Variants in SCUBE1 observed in about 807,000 individuals in gnomAD.
SCUBE1 encodes signal peptide, CUB and EGF-like domain-containing protein 1.
A neutral mutation model predicts 124.4 loss-of-function variants in SCUBE1; 59 were observed. The ratio of observed to expected loss-of-function variants is 0.47; its 90% CI spans 0.38 to 0.59. The LOEUF (loss-of-function observed/expected upper bound fraction) is 0.59, where lower values mean the gene tolerates loss of function less well. Ranked by LOEUF, SCUBE1 falls within the 20% of genes least tolerant of loss-of-function variation. The probability of loss-of-function intolerance (pLI) is 0.00; values close to 1 mark genes in which losing one functional copy is unlikely to be tolerated. For missense variants in SCUBE1, 1,150 were observed against 1,371.2 expected (o/e 0.84, Z 2.55); for synonymous variants, 545 against 550.9 (o/e 0.99, Z 0.15).
chr22:43,311,087 T>C (rs1926153647), intron 3 of SCUBE1, among the ~76,000 whole-genome samples: 1 of 152,210 alleles, frequency 6.6e-6, no homozygotes. Context: ...CCTTGATACA[T>C]ATTGAGGTGG....
chr22:43,271,388 G>A (rs1016279703), intron 4 of SCUBE1, among the ~76,000 whole-genome samples: 15 of 152,182 alleles, frequency 9.9e-5, no homozygotes, highest in Admixed American at 2.6e-4. Flanking sequence ...CACAGAAACC[G>A]TCTGATAAAC....
intron 2 of SCUBE1, among the ~76,000 whole-genome samples, chr22:43,326,314 G>A (rs1441258733): frequency 1.3e-5 from 2 of 152,140 alleles, no homozygotes; most frequent in Admixed American, 6.5e-5. Context: ...AAGAAAAACC[G>A]TGCCCTCCTT....
chr22:43,228,550 C>A (rs555303033), intron 9 of SCUBE1, among the ~76,000 whole-genome samples: 1 of 152,222 alleles, frequency 6.6e-6, no homozygotes, highest in East Asian at 1.9e-4. Flanking sequence ...ATGGCGCCCC[C>A]TATCCGCATC....
At chr22:43,309,376 C>T (rs775834983) in intron 3 of SCUBE1, among the ~76,000 whole-genome samples, 1 of 152,142 alleles carries the variant, frequency 6.6e-6, no homozygotes, top group Non-Finnish European at 1.5e-5. Flanking sequence ...CTCAAGGTCA[C>T]ATAGTAAGTG....
intron 15 of SCUBE1, among the ~76,000 whole-genome samples, chr22:43,217,354 TC>T (rs1921875856): frequency 7.2e-6 from 1 of 138,490 alleles, no homozygotes; most frequent in South Asian, 2.3e-4. Flanking sequence ...CAAGTTTCCC[TC>T]CCCCCAGCCC....
chr22:43,314,793 G>A (rs1434385772), intron 3 of SCUBE1, among the ~76,000 whole-genome samples: 1 of 152,282 alleles, frequency 6.6e-6, no homozygotes, highest in Admixed American at 6.5e-5. Flanking sequence ...ACTTTCTGGC[G>A]CAAAATCCAA....
chr22:43,217,398 C>T (rs1003227377), intron 15 of SCUBE1, among the ~76,000 whole-genome samples: 1 of 151,202 alleles, frequency 6.6e-6, no homozygotes, highest in African/African-American at 2.4e-5. Flanking sequence ...ATTTGGCCGG[C>T]GTCAGGAAGC....
Position 43,212,563 on chromosome 22 carries a change from C to A in SCUBE1, c.2083G>T (p.Asp695Tyr). ...CAGGCCTGGCAGGGCTTGAAGCCAT[C>A]GGCCGAGAAGAAGCCTGGAGAACAC... ...GQCSPGFFSA[D>Y]GFKPCQACPV... Residue 695 changes from aspartate (D) to tyrosine (Y), a missense_variant, in exon 17 of 22, where the codon GAT (aspartate) becomes TAT (tyrosine). Physicochemically the swap from Asp to Tyr is radical, Grantham distance 160 (BLOSUM62 -3). Around this residue, in one of 3 missense-constraint regions of SCUBE1, gnomAD observed 757 missense variants for 840.9 expected, o/e 0.90. Transcript: ENST00000360835. 6.4e-7 allele frequency: 1 copy of A among 1,566,490 alleles called. No individual in the cohort carries two copies. The highest frequency in any genetic ancestry group is 8.6e-7 in the Non-Finnish European group (1 of 1,156,880).
intron 8 of SCUBE1, among the ~76,000 whole-genome samples, chr22:43,229,698 T>C (rs1356036565): frequency 6.6e-6 from 1 of 152,078 alleles, no homozygotes; most frequent in Admixed American, 6.5e-5. Flanking sequence ...GAAGAGGAAA[T>C]ATGCCACCCA....
intron 4 of SCUBE1, among the ~76,000 whole-genome samples, chr22:43,286,633 C>T (rs769053699): frequency 3.3e-5 from 5 of 152,318 alleles, no homozygotes; most frequent in South Asian, 2.1e-4. Flanking sequence ...CCATAGAATC[C>T]CCAGAGCGTT....
At chr22:43,217,380 C>A (rs1364924215) in intron 15 of SCUBE1, among the ~76,000 whole-genome samples, 1 of 150,530 alleles carries the variant, frequency 6.6e-6, no homozygotes. Flanking sequence ...TTCCTCAAAT[C>A]CTTGGGGATT....
intron 6 of SCUBE1, among the ~76,000 whole-genome samples, chr22:43,251,532 C>T (rs1438098332): frequency 3.3e-5 from 5 of 152,156 alleles, no homozygotes; most frequent in South Asian, 4.1e-4. Context: ...TGAGAGTAAC[C>T]GAGGGAGGCA....
chr22:43,256,875 G>A (rs1923681388), intron 6 of SCUBE1, among the ~76,000 whole-genome samples: 1 of 152,226 alleles, frequency 6.6e-6, no homozygotes, highest in Non-Finnish European at 1.5e-5. Context: ...GGCTGCAATA[G>A]AGACACTGGT....
At chr22:43,249,602 C>T (rs1601828192) in intron 6 of SCUBE1, among the ~76,000 whole-genome samples, 1 of 152,196 alleles carries the variant, frequency 6.6e-6, no homozygotes, top group African/African-American at 2.4e-5. Context: ...GTGTGCTGGG[C>T]CCTTCCATCC....
At chr22:43,249,637 A>C (rs1458704460) in intron 6 of SCUBE1, among the ~76,000 whole-genome samples, 1 of 152,022 alleles carries the variant, frequency 6.6e-6, no homozygotes. Context: ...AGCTCCTTTG[A>C]GCCTGGCAGG....
rs373540147 is a variant in SCUBE1 at position 43,221,256 on chromosome 22, C to T, written c.1466G>A (p.Arg489His). 15 of 1,596,464 alleles carry T rather than the reference C, an allele frequency of 9.4e-6. 1 individual carries two copies. Among genetic ancestry groups the T allele is most frequent in the South Asian group, 5.5e-5 (5 of 90,846 alleles). The part of the protein sequence containing the change: ...APTTPIKQKA[R>H]FKIRDAKCHL... ...GCACTTGGCATCTCGGATCTTGAAG[C>T]GGGCCTTCTGTTTGATGGGGGTGGT... The change falls in exon 13 of 22, where the codon CGC becomes CAC. Residue 489 changes from arginine to histidine, a missense_variant. Coordinates refer to ENST00000360835, the MANE Select transcript of SCUBE1 (RefSeq NM_173050.5).
At chr22:43,334,096 C>A (rs1381918732) in intron 2 of SCUBE1, among the ~76,000 whole-genome samples, 2 of 152,204 alleles carry the variant, frequency 1.3e-5, no homozygotes, top group Non-Finnish European at 2.9e-5. Context: ...CTTGGCAGAA[C>A]CCTACTCCAG....
At chr22:43,214,877 T>C (rs962494006) in intron 15 of SCUBE1, among the ~76,000 whole-genome samples, 89 of 151,976 alleles carry the variant, frequency 5.9e-4, no homozygotes, top group Admixed American at 7.2e-4. Context: ...TTCTCAGTGC[T>C]GGAGAAGATG....
chr22:43,217,499 C>T (rs576848318), intron 15 of SCUBE1, among the ~76,000 whole-genome samples: 4 of 152,202 alleles, frequency 2.6e-5, no homozygotes, highest in South Asian at 2.1e-4. Context: ...TGCTCCTCCC[C>T]GTCCTTGCTC....
Sources: allele counts gnomAD v4.1 joint callset (sites outside exome capture counted in the v4.1 genomes callset), GRCh38; gene constraint gnomAD v4.1.1; regional missense constraint gnomAD v4.1.1; transcripts MANE v1.5; gene names NCBI Gene and HGNC (gene_info 2026-07-23, HGNC 2026-07-21).